The following LAPTM4B variants were observed in gnomAD, a reference collection of about 807,000 sequenced individuals.
The protein encoded by LAPTM4B is lysosomal protein transmembrane 4 beta, also known as lysosomal-associated transmembrane protein 4B.
LAPTM4B carries 26 observed loss-of-function variants against 28.5 expected under a neutral mutation model. The ratio of observed to expected loss-of-function variants is 0.91; its 90% CI spans 0.67 to 1.27. The LOEUF (loss-of-function observed/expected upper bound fraction) is 1.27. Ranked by LOEUF, LAPTM4B falls within the 50% of genes most tolerant of loss-of-function variation. The pLI is 0.00. For synonymous variants in LAPTM4B, 109 were observed against 106.4 expected (o/e 1.02, Z -0.15); for missense variants, 288 against 285.8 (o/e 1.01, Z -0.06).
chr8:97,810,719 T>C (rs890530940), intron 2 of LAPTM4B, among the ~76,000 whole-genome samples: 3 of 152,248 alleles, frequency 2.0e-5, no homozygotes, highest in Admixed American at 2.0e-4. Flanking sequence ...GTGTCTGTAC[T>C]ATGCATAATA....
intron 1 of LAPTM4B, among the ~76,000 whole-genome samples, chr8:97,780,003 A>T (rs1452710991): frequency 2.0e-5 from 3 of 149,760 alleles, no homozygotes; most frequent in Non-Finnish European, 3.0e-5. Context: ...GTGAGCCGAG[A>T]TCACGCCACT....
chr8:97,843,017 T>C (rs1326618622), intron 6 of LAPTM4B, among the ~76,000 whole-genome samples: 1 of 152,014 alleles, frequency 6.6e-6, no homozygotes, highest in Non-Finnish European at 1.5e-5. Context: ...TAGCTGGGAC[T>C]ACAGGCATAT....
At chr8:97,809,761 A>C (rs963871656) in intron 2 of LAPTM4B, among the ~76,000 whole-genome samples, 3 of 152,150 alleles carry the variant, frequency 2.0e-5, no homozygotes, top group African/African-American at 7.2e-5. Context: ...TACATTGGTG[A>C]CAGCTATCTG....
At chr8:97,797,923 T>G (rs1425165011) in intron 1 of LAPTM4B, among the ~76,000 whole-genome samples, 2 of 152,206 alleles carry the variant, frequency 1.3e-5, no homozygotes, top group Non-Finnish European at 2.9e-5. Flanking sequence ...ATATGTGACA[T>G]CACAGGATCA....
chr8:97,834,396 G>A (rs1234901125), intron 6 of LAPTM4B, among the ~76,000 whole-genome samples: 5 of 152,092 alleles, frequency 3.3e-5, no homozygotes, highest in African/African-American at 9.7e-5. Context: ...TTGTTACTCC[G>A]TACCTGTTTT....
chr8:97,825,038 TA>T lies in LAPTM4B; in HGVS notation c.508-18del. On this transcript the variant is annotated intron_variant, in intron 5 of 6. Coordinates refer to ENST00000521545, the MANE Select transcript of LAPTM4B (RefSeq NM_018407.6). ...TGCAGTTTGAAAATTAAAAATCTGA[TA>T]ATCACTCCTCATTTTCAGGGTTACT... 1 of 1,377,672 alleles carries T rather than the reference TA, an allele frequency of 7.3e-7. No individual in the cohort carries two copies. The highest frequency in any genetic ancestry group is 1.0e-6 in the Non-Finnish European group (1 of 967,424). The allele number at this position is 1,377,672 out of a possible 1,614,324, so 85.3% of individuals were successfully genotyped here. A position where few individuals can be genotyped will look rare whatever the true frequency, so the allele number is the denominator to read the frequency against.
chr8:97,788,666 G>A (rs910281954), intron 1 of LAPTM4B, among the ~76,000 whole-genome samples: 1 of 151,210 alleles, frequency 6.6e-6, no homozygotes, highest in Non-Finnish European at 1.5e-5. Context: ...AATTTCCTTT[G>A]TTAAGGGTCT....
intron 1 of LAPTM4B, among the ~76,000 whole-genome samples, chr8:97,798,613 C>T (rs1043193539): frequency 3.9e-5 from 6 of 151,926 alleles, no homozygotes; most frequent in Non-Finnish European, 7.3e-5. Flanking sequence ...ATAGTTACTG[C>T]AGCATTTATG....
intron 6 of LAPTM4B, among the ~76,000 whole-genome samples, chr8:97,848,313 A>G (rs1280369092): frequency 6.6e-6 from 1 of 152,216 alleles, no homozygotes; most frequent in East Asian, 1.9e-4. Context: ...AAACTTTAAA[A>G]CGAGTTTGAA....
intron 6 of LAPTM4B, among the ~76,000 whole-genome samples, chr8:97,825,361 T>C (rs894565425): frequency 6.6e-5 from 10 of 152,232 alleles, no homozygotes; most frequent in Admixed American, 1.3e-4. Context: ...GATATTAAAA[T>C]GTAGATGGCT....
At chr8:97,819,085 A>T (rs1199533999) in intron 4 of LAPTM4B, 55 bp from the exon 5 acceptor site, 4 of 1,046,802 alleles carry the variant, frequency 3.8e-6, no homozygotes, top group Non-Finnish European at 5.9e-6. Flanking sequence ...GTGCCCAAGG[A>T]ATACTGTCTG....
At chr8:97,843,677 G>A (rs1044538189) in intron 6 of LAPTM4B, among the ~76,000 whole-genome samples, 1 of 152,106 alleles carries the variant, frequency 6.6e-6, no homozygotes, top group Non-Finnish European at 1.5e-5. Context: ...CTACTTGGGA[G>A]GCCGAGGCAG....
chr8:97,799,693 C>T (rs1586325881), intron 1 of LAPTM4B, among the ~76,000 whole-genome samples: 1 of 152,162 alleles, frequency 6.6e-6, no homozygotes, highest in Non-Finnish European at 1.5e-5. Context: ...AACAACATAG[C>T]TCTGATCATG....
intron 6 of LAPTM4B, among the ~76,000 whole-genome samples, chr8:97,845,921 C>A (rs1488392616): frequency 8.3e-6 from 1 of 120,162 alleles, no homozygotes; most frequent in African/African-American, 3.1e-5. Flanking sequence ...TCGACAGGGT[C>A]TTGCTCTGTC....
At chr8:97,792,154 A>G (rs549958258) in intron 1 of LAPTM4B, among the ~76,000 whole-genome samples, 3 of 152,326 alleles carry the variant, frequency 2.0e-5, no homozygotes, top group South Asian at 4.1e-4. Flanking sequence ...AAGTTCAGCA[A>G]CTTACAACAT....
intron 1 of LAPTM4B, among the ~76,000 whole-genome samples, chr8:97,787,505 C>T (rs918561550): frequency 7.2e-5 from 11 of 152,202 alleles, no homozygotes; most frequent in Admixed American, 5.2e-4. Flanking sequence ...AGGATGGTCT[C>T]GATCTCCTGA....
In LAPTM4B at chr8:97,801,750, G is replaced by C. The variant is rs113633184; in HGVS notation, c.100-3603G>C. 6.1e-3 allele frequency among the ~76,000 whole-genome samples: 922 copies of C among 151,876 alleles called. 7 individuals carry two copies. The highest frequency in any genetic ancestry group is 0.021 in the African/African-American group (868 of 41,384). On this transcript the variant is annotated intron_variant, in intron 1 of 6. Coordinates refer to ENST00000521545, the MANE Select transcript of LAPTM4B (RefSeq NM_018407.6). Reference sequence around the variant, plus strand: ...CGCAGCTACAGGCTCCTACTGAGGCGGGAGAATCACTTGAACCTGGGTGGT... The same window carrying C: ...CGCAGCTACAGGCTCCTACTGAGGCCGGAGAATCACTTGAACCTGGGTGGT...
intron 6 of LAPTM4B, among the ~76,000 whole-genome samples, chr8:97,839,713 CCAAA>C (rs1424960898): frequency 6.6e-6 from 1 of 152,130 alleles, no homozygotes; most frequent in African/African-American, 2.4e-5. Context: ...TCTTAAAGCT[CCAAA>C]CAAACCTAGT....
chr8:97,809,725 A>G (rs761015185), intron 2 of LAPTM4B, among the ~76,000 whole-genome samples: 4 of 152,114 alleles, frequency 2.6e-5, no homozygotes, highest in Non-Finnish European at 4.4e-5. Context: ...GAAAATTAAT[A>G]TAGCAATTTT....
Sources: gnomAD v4.1 joint callset for allele counts (sites outside exome capture counted in the v4.1 genomes callset) on GRCh38, gnomAD v4.1.1 for gene constraint, MANE v1.5 for transcripts, NCBI Gene and HGNC (gene_info 2026-07-23, HGNC 2026-07-21) for gene names.